NOS1AP: variants seen among roughly 807,000 people sequenced by gnomAD.
NOS1AP encodes carboxyl-terminal PDZ ligand of neuronal nitric oxide synthase protein.
A neutral mutation model predicts 56.2 loss-of-function variants in NOS1AP; 21 were observed. The observed-to-expected ratio is 0.37, with a 90% CI of 0.26 to 0.54. The LOEUF is 0.54. Ranked by LOEUF, NOS1AP falls within the 20% of genes least tolerant of loss-of-function variation. The pLI is 0.84. For synonymous variants in NOS1AP, 270 were observed against 274.6 expected, an observed-to-expected ratio of 0.98 and a Z score of 0.17; for missense variants, 522 against 657.8, an observed-to-expected ratio of 0.79 and a Z score of 2.26.
At chr1:162,261,321 C>G (rs1654203951) in intron 2 of NOS1AP, among the ~76,000 whole-genome samples, 1 of 136,842 alleles carries the variant, frequency 7.3e-6, no homozygotes, top group African/African-American at 2.8e-5. Flanking sequence ...AAACAATATC[C>G]TGATGTTACC....
In NOS1AP at chr1:162,247,468, A is replaced by G. The variant is rs141696448; in HGVS notation, c.178-39876A>G. Among the ~76,000 whole-genome samples, 83 of 152,280 alleles carry G rather than the reference A, an allele frequency of 5.5e-4. 1 individual carries two copies. In the East Asian group the frequency reaches 0.011, roughly 20 times the overall value. ...TGAGTAACCTTTCCTGGAGCACTGT[A>G]GGCCCCACCTGGCAACTTTGTGAGT... On this transcript the variant is annotated intron_variant, in intron 2 of 9. Coordinates refer to ENST00000361897, the MANE Select transcript of NOS1AP (RefSeq NM_014697.3).
At chr1:162,134,126 C>G (rs4427385) in intron 1 of NOS1AP, among the ~76,000 whole-genome samples, 35,777 of 152,116 alleles carry the variant, frequency 0.24, 7,836 homozygotes, top group African/African-American at 0.59. Flanking sequence ...AGCTAAGACA[C>G]TATTTATGCT....
chr1:162,287,239 A>G lies in NOS1AP; in HGVS notation c.178-105A>G, dbSNP rs1318411912. The stretch of plus-strand genomic sequence containing the variant: ...TCCCTGCCCCCAGGAGCTATTCCCC[A>G]CACCTGTCTGGGGACCTTTTTTCCA... On this transcript the variant is annotated intron_variant, in intron 2 of 9. Coordinates refer to ENST00000361897, the MANE Select transcript of NOS1AP (RefSeq NM_014697.3). 5 of 793,260 alleles carry G rather than the reference A, an allele frequency of 6.3e-6. No homozygotes were observed. The African/African-American group carries it at 8.5e-5, about 14-fold the overall frequency. The allele number at this position is 793,260 out of a possible 1,614,324, so 49.1% of individuals were successfully genotyped here. A position where few individuals can be genotyped will look rare whatever the true frequency, so the allele number is the denominator to read the frequency against.
intron 1 of NOS1AP, among the ~76,000 whole-genome samples, chr1:162,114,109 T>G (rs1647827904): frequency 6.6e-6 from 1 of 152,198 alleles, no homozygotes; most frequent in Non-Finnish European, 1.5e-5. Flanking sequence ...AAACAAACAC[T>G]TAATTTGAAT....
intron 1 of NOS1AP, among the ~76,000 whole-genome samples, chr1:162,114,274 A>G (rs1217063715): frequency 6.6e-6 from 1 of 152,158 alleles, no homozygotes; most frequent in Non-Finnish European, 1.5e-5. Context: ...ACTTATTGCA[A>G]AGAACTGGCT....
At chr1:162,274,709 T>C (rs1255224650) in intron 2 of NOS1AP, among the ~76,000 whole-genome samples, 1 of 152,220 alleles carries the variant, frequency 6.6e-6, no homozygotes, top group Non-Finnish European at 1.5e-5. Flanking sequence ...ATTCAGACTT[T>C]AAAAATCCCA....
At chr1:162,166,216 A>C (rs1364667342) in intron 2 of NOS1AP, among the ~76,000 whole-genome samples, 1 of 152,050 alleles carries the variant, frequency 6.6e-6, no homozygotes, top group Non-Finnish European at 1.5e-5. Context: ...GTGCCCTCCC[A>C]CCATCCTCCA....
At chr1:162,098,082 A>G (rs1488453116) in intron 1 of NOS1AP, among the ~76,000 whole-genome samples, 1 of 146,530 alleles carries the variant, frequency 6.8e-6, no homozygotes, top group Non-Finnish European at 1.5e-5. Flanking sequence ...TTTATTTATA[A>G]TAGTTTCTTC....
rs112367725 is a variant in NOS1AP at position 162,296,053 on chromosome 1, G to A, written c.271-4580G>A. ...TGTAATCCCAGCACTTTGGGAGGCC[G>A]AGGCAGGCGGATCACCTGAGATTAG... On this transcript the variant is annotated intron_variant, in intron 3 of 9. Coordinates refer to ENST00000361897, the MANE Select transcript of NOS1AP (RefSeq NM_014697.3). 8.9e-3 allele frequency among the ~76,000 whole-genome samples: 1,357 copies of A among 152,212 alleles called. 19 individuals are homozygous for A. Among genetic ancestry groups the A allele is most frequent in the African/African-American group, 0.029 (1,216 of 41,534 alleles).
intron 2 of NOS1AP, among the ~76,000 whole-genome samples, chr1:162,213,472 A>G (rs1652440175): frequency 6.6e-6 from 1 of 152,062 alleles, no homozygotes; most frequent in Non-Finnish European, 1.5e-5. Flanking sequence ...AGAAGCAGAG[A>G]CCTTTCACCT....
chr1:162,153,970 CTTTT>C (rs141108657), intron 1 of NOS1AP, among the ~76,000 whole-genome samples: 5 of 138,832 alleles, frequency 3.6e-5, no homozygotes, highest in African/African-American at 5.3e-5. Context: ...GGTATATATT[CTTTT>C]TTTTTTTTTT....
chr1:162,251,604 G>A (rs199799935), intron 2 of NOS1AP, among the ~76,000 whole-genome samples: 56 of 14,004 alleles, frequency 4.0e-3, no homozygotes, highest in African/African-American at 0.02. Context: ...ATATATATAT[G>A]TGTGTGTGTG....
intron 2 of NOS1AP, 25 bp from the exon 3 acceptor site, chr1:162,287,319 C>A (rs1334814296): frequency 6.4e-7 from 1 of 1,551,916 alleles, no homozygotes; most frequent in African/African-American, 1.4e-5. Context: ...ATTGCACTTT[C>A]TTTTTGTTTT....
At chr1:162,360,890 C>T (rs1192419629) in intron 8 of NOS1AP, 1 of 456,712 alleles carries the variant, frequency 2.2e-6, no homozygotes, top group Admixed American at 2.3e-5. Context: ...CAGCCTGGCC[C>T]TGCCCTCACT....
chr1:162,327,460 C>G (rs347296), intron 4 of NOS1AP, among the ~76,000 whole-genome samples: 88,907 of 152,056 alleles, frequency 0.58, 27,322 homozygotes, highest in Non-Finnish European at 0.69. Context: ...GGCAAACCTG[C>G]ATCAGGAATT....
intron 2 of NOS1AP, among the ~76,000 whole-genome samples, chr1:162,178,517 A>T (rs970011391): frequency 6.6e-6 from 1 of 152,186 alleles, no homozygotes; most frequent in African/African-American, 2.4e-5. Flanking sequence ...AACCCTATGA[A>T]GTAGGGCCTT....
chr1:162,142,341 G>A (rs1206519217), intron 1 of NOS1AP, among the ~76,000 whole-genome samples: 4 of 152,144 alleles, frequency 2.6e-5, no homozygotes, highest in Non-Finnish European at 5.9e-5. Flanking sequence ...TAAATAGGAC[G>A]TGGGTTTTTG....
chr1:162,299,171 G>A (rs956361313), intron 3 of NOS1AP, among the ~76,000 whole-genome samples: 3 of 152,200 alleles, frequency 2.0e-5, no homozygotes, highest in Admixed American at 2.0e-4. Flanking sequence ...CAGTTGGAAA[G>A]CAGCCTAATG....
At chr1:162,203,209 T>G (rs1214373427) in intron 2 of NOS1AP, among the ~76,000 whole-genome samples, 1 of 152,220 alleles carries the variant, frequency 6.6e-6, no homozygotes, top group African/African-American at 2.4e-5. Context: ...AGGTAGATTA[T>G]AAATAAAGCT....
Sources: allele counts gnomAD v4.1 joint callset (sites outside exome capture counted in the v4.1 genomes callset), GRCh38; gene constraint gnomAD v4.1.1; transcripts MANE v1.5; gene names NCBI Gene and HGNC (gene_info 2026-07-23, HGNC 2026-07-21).